PIDD1: variants seen among roughly 807,000 people sequenced by gnomAD.
PIDD1 encodes the protein p53-induced death domain protein 1.
PIDD1 carries 72 observed loss-of-function variants against 80.0 expected under a neutral mutation model. The observed-to-expected ratio is 0.90, with a 90% CI of 0.74 to 1.09. PIDD1 has a LOEUF of 1.09. PIDD1 is among the 50% of genes least tolerant of loss of function. The probability of loss-of-function intolerance (pLI) is 0.00; values close to 1 mark genes in which losing one functional copy is unlikely to be tolerated. For synonymous variants in PIDD1, 655 were observed against 543.5 expected, an observed-to-expected ratio of 1.21 and a Z score of -2.85; for missense variants, 1,329 against 1,228.3, an observed-to-expected ratio of 1.08 and a Z score of -1.23.
intron 1 of PIDD1, 73 bp downstream of exon 1, chr11:805,106 G>T: frequency 1.6e-6 from 1 of 639,274 alleles, no homozygotes; most frequent in Non-Finnish European, 1.9e-6. Flanking sequence ...CGTCGGGGAT[G>T]GGAACGGCCC....
rs150786169 is a variant in PIDD1, at chr11:802,773, C to T, written c.828G>A (p.Arg276=). The change falls in exon 4 of 16, where the codon CGG becomes CGA. Residue 276 remains arginine (R), a synonymous_variant. Coordinates refer to ENST00000347755, the MANE Select transcript of PIDD1 (RefSeq NM_145886.4). ...CGTCTAGCAGCTCAGGGGGCAGGTC[C>T]CGGAGCTGGTTGTCCCTCAGGTCGA... ...TRLDLRDNQL[R]DLPPELLDAP... 6.2e-7 allele frequency: 1 copy of T among 1,609,024 alleles called. No homozygotes were observed. The highest frequency in any genetic ancestry group is 8.5e-7 in the Non-Finnish European group (1 of 1,178,394).
chr11:806,658 C>G (rs1210708532), upstream of PIDD1, among the ~76,000 whole-genome samples: 1 of 151,856 alleles, frequency 6.6e-6, no homozygotes, highest in Non-Finnish European at 1.5e-5. Flanking sequence ...TCTCGGCTCA[C>G]TGCAAGCTCC....
chr11:802,450 G>A, intron 5 of PIDD1, 54 bp from the exon 6 acceptor site: 8 of 1,598,572 alleles, frequency 5.0e-6, no homozygotes, highest in South Asian at 3.3e-5. Flanking sequence ...CTACGTGTTG[G>A]AGCCTGGACC....
In PIDD1 at chr11:802,003, C is replaced by T. The variant is rs1479395894; in HGVS notation, c.1264G>A (p.Gly422Ser). ...TCCTCCAGGTAGGTCTCCAGGTCAC[C>T]CCAGCTGTTGTCATTCCGGGTCCTG... ...VVRTRNDNSW[G>S]DLETYLEEEA... The change falls in exon 7 of 16, where the codon GGT becomes AGT. Residue 422 changes from glycine to serine, a missense_variant. By Grantham distance (56) the Gly-to-Ser change is moderately conservative. Coordinates refer to ENST00000347755, the MANE Select transcript of PIDD1 (RefSeq NM_145886.4). 2 of 1,603,836 alleles carry T rather than the reference C, an allele frequency of 1.2e-6. No individual in the cohort carries two copies. The highest frequency in any genetic ancestry group is 8.5e-7 in the Non-Finnish European group (1 of 1,175,828).
upstream of PIDD1, chr11:805,547 C>G: frequency 1.1e-6 from 1 of 914,264 alleles, no homozygotes; most frequent in Non-Finnish European, 1.3e-6. Flanking sequence ...CGCTCCGAGG[C>G]AGACCCGGCC....
upstream of PIDD1, among the ~76,000 whole-genome samples, chr11:809,251 G>C (rs551137478): frequency 1.2e-4 from 18 of 152,366 alleles, no homozygotes; most frequent in Admixed American, 1.1e-3. Context: ...TGACCACTCA[G>C]ACCTCACTCC....
chr11:799,846 G>A lies in PIDD1; in HGVS notation c.2443C>T (p.Arg815Trp), dbSNP rs758859772. 7 of 1,605,532 alleles carry A rather than the reference G, an allele frequency of 4.4e-6. No individual in the cohort carries two copies. The highest frequency in any genetic ancestry group is 2.2e-5 in the East Asian group (1 of 44,676). Reference sequence around the variant, plus strand: ...TCGTGCCGGATGCGCTGCACCTCCCGGTAGGACACCCCCAGGTGCAGGGCC... The same window carrying A: ...TCGTGCCGGATGCGCTGCACCTCCCAGTAGGACACCCCCAGGTGCAGGGCC... ...AVALHLGVSY[R>W]EVQRIRHEFR... The change falls in exon 15 of 16, where the codon CGG (arginine) becomes TGG (tryptophan). Residue 815 changes from arginine to tryptophan, a missense_variant. By Grantham distance (101) the Arg-to-Trp change is moderately radical. Transcript: ENST00000347755.
upstream of PIDD1, among the ~76,000 whole-genome samples, chr11:806,805 G>C (rs894324426): frequency 6.6e-6 from 1 of 150,858 alleles, no homozygotes; most frequent in African/African-American, 2.4e-5. Flanking sequence ...GGATGTTCTC[G>C]AACTCCTGAC....
At chr11:803,854 C>A (rs948762939) in intron 2 of PIDD1, 2 of 625,480 alleles carry the variant, frequency 3.2e-6, no homozygotes, top group Non-Finnish European at 5.5e-6. Context: ...TCTGGAGAGA[C>A]CCCCACTGGG....
chr11:801,367 T>G lies in PIDD1; in HGVS notation c.1483-2A>C. The G allele has an allele frequency of 6.2e-7, 1 of 1,607,940 alleles. No homozygotes were observed. Among genetic ancestry groups the G allele is most frequent in the Non-Finnish European group, 8.5e-7 (1 of 1,177,302 alleles). ...CTCTCGGCCAGCCATGCGCACCACC[T>G]GGGGCAGACAGGCCCCCTGAGCACC... On this transcript the variant is annotated splice_acceptor_variant, in intron 8 of 15. Transcript: ENST00000347755. LOFTEE classifies it high-confidence loss of function.
At chr11:802,443 C>A (rs148181196) in intron 5 of PIDD1, 47 bp from the exon 6 acceptor site, 2 of 1,596,196 alleles carry the variant, frequency 1.3e-6, no homozygotes, top group Non-Finnish European at 1.7e-6. Context: ...GAAGGGCCTA[C>A]GTGTTGGAGC....
chr11:802,781 G>C lies in PIDD1; in HGVS notation c.820C>G (p.Gln274Glu). 6.2e-7 allele frequency: 1 copy of C among 1,608,382 alleles called. No homozygotes were observed. The highest frequency in any genetic ancestry group is 8.5e-7 in the Non-Finnish European group (1 of 1,178,092). ...AGCTCAGGGGGCAGGTCCCGGAGCT[G>C]GTTGTCCCTCAGGTCGAGCCGGGTG... ...LLTRLDLRDN[Q>E]LRDLPPELLD... Residue 274 changes from glutamine (Q) to glutamate (E), a missense_variant, in exon 4 of 16, where the codon CAG becomes GAG. Gln to Glu is a conservative substitution (Grantham distance 29). Coordinates refer to ENST00000347755, the MANE Select transcript of PIDD1 (RefSeq NM_145886.4).
chr11:805,532 C>T (rs1181144354), upstream of PIDD1: 4 of 852,798 alleles, frequency 4.7e-6, no homozygotes, highest in East Asian at 4.9e-4. Context: ...CTCGGGGCCC[C>T]GGGCCGCTCC....
rs1285625581 is a variant in PIDD1 at position 801,126 on chromosome 11, G to C, written c.1631-6C>G. 6 of 1,552,588 alleles carry C rather than the reference G, an allele frequency of 3.9e-6. No homozygotes were observed. The highest frequency in any genetic ancestry group is 5.2e-6 in the Non-Finnish European group (6 of 1,145,666). ...GGAGCGGTCCAGACTGAGGCCTGGG[G>C]ATGGGAGGGGCAGCGAGCTGAGGCC... is the stretch of plus-strand genomic sequence containing the variant. On this transcript the variant is annotated splice_polypyrimidine_tract_variant and splice_region_variant and intron_variant, in intron 9 of 15. Transcript: ENST00000347755.
chr11:806,385 C>T (rs140778548), upstream of PIDD1, among the ~76,000 whole-genome samples: 19 of 152,194 alleles, frequency 1.2e-4, no homozygotes, highest in East Asian at 9.7e-4. Flanking sequence ...CCAGCTTCCT[C>T]GCCCAGGAGA....
chr11:803,123 T>C (rs1271808411), intron 3 of PIDD1, 51 bp downstream of exon 3: 2 of 1,368,894 alleles, frequency 1.5e-6, no homozygotes, highest in Non-Finnish European at 2.0e-6. Flanking sequence ...ACAGGCAGGC[T>C]TCAGGGACCC....
In PIDD1 at chr11:802,276, T is replaced by C. The variant is rs775962094; in HGVS notation, c.1095A>G (p.Pro365=). ...TIRYRLLLPE[P]GLVPLGPHDA... Reference sequence around the variant, plus strand: ...CATGAGGACCCAGGGGGACGAGGCCTGGCTCCGGCAGCAGCAGCCGATAGC... The same window carrying C: ...CATGAGGACCCAGGGGGACGAGGCCCGGCTCCGGCAGCAGCAGCCGATAGC... The change falls in exon 6 of 16, where the codon CCA becomes CCG. Residue 365 remains proline (P), a synonymous_variant. Transcript: ENST00000347755. 2 of 1,611,854 alleles carry C rather than the reference T, an allele frequency of 1.2e-6. No individual in the cohort carries two copies. Among genetic ancestry groups the C allele is most frequent in the East Asian group, 2.2e-5 (1 of 44,868 alleles).
At position 800,186 on chromosome 11, in the gene PIDD1, C is replaced by T. The variant is rs148849040; in HGVS notation, c.2219G>A (p.Arg740Gln). Residue 740 changes from arginine to glutamine, a missense_variant, in exon 14 of 16, where the codon CGG (arginine) becomes CAG (glutamine). Transcript: ENST00000347755. ...VRVPEEAEAA[R>Q]QRKGADALWM... Reference sequence around the variant, plus strand: ...CAGGGCGTCTGCGCCCTTCCTCTGCCGGGCAGCCTCAGCCTCCTCGGGCAC... The same window carrying T: ...CAGGGCGTCTGCGCCCTTCCTCTGCTGGGCAGCCTCAGCCTCCTCGGGCAC... 53 of 1,610,858 alleles carry T rather than the reference C, an allele frequency of 3.3e-5. No homozygotes were observed. In the African/African-American group the frequency reaches 4.0e-4, roughly 12 times the overall value.
intron 7 of PIDD1, 58 bp from the exon 8 acceptor site, chr11:801,682 G>T: frequency 7.1e-7 from 1 of 1,404,392 alleles, no homozygotes; most frequent in Non-Finnish European, 9.8e-7. Flanking sequence ...GCCAGTCAGG[G>T]ACACAGGGAG....
Sources: gnomAD v4.1 joint callset for allele counts (sites outside exome capture counted in the v4.1 genomes callset) on GRCh38, gnomAD v4.1.1 for gene constraint, MANE v1.5 for transcripts, NCBI Gene and HGNC (gene_info 2026-07-23, HGNC 2026-07-21) for gene names.